Variants in DOCK1 observed in about 807,000 individuals in gnomAD.
DOCK1 encodes dedicator of cytokinesis 1, also known as dedicator of cytokinesis protein 1.
DOCK1 carries 138 observed loss-of-function variants against 262.7 expected under a neutral mutation model. That is an observed-to-expected ratio of 0.53 (90% confidence interval 0.46 to 0.61). DOCK1 has a LOEUF of 0.61. Among genes scored for constraint, DOCK1 ranks in the 20% least tolerant of loss-of-function variants. The pLI, the probability that DOCK1 is intolerant of heterozygous loss-of-function variation, is 0.00. For missense variants in DOCK1, 1,908 were observed against 2,370.7 expected (o/e 0.80, Z 4.05); for synonymous variants, 866 against 867.4 (o/e 1.00, Z 0.03).
chr10:127,324,295 C>T (rs1315906645), intron 29 of DOCK1, among the ~76,000 whole-genome samples: 1 of 152,184 alleles, frequency 6.6e-6, no homozygotes, highest in Non-Finnish European at 1.5e-5. Context: ...TGGCCTTAAC[C>T]GTCACCTGCC....
intron 16 of DOCK1, among the ~76,000 whole-genome samples, chr10:127,028,478 G>A (rs903782206): frequency 6.6e-6 from 1 of 152,182 alleles, no homozygotes; most frequent in Non-Finnish European, 1.5e-5. Context: ...TTACAGATGA[G>A]GAAACTGGGG....
intron 29 of DOCK1, among the ~76,000 whole-genome samples, chr10:127,329,023 T>C (rs1466203527): frequency 6.6e-6 from 1 of 152,010 alleles, no homozygotes; most frequent in Non-Finnish European, 1.5e-5. Context: ...CGTTTATAAG[T>C]GTATCATTCA....
intron 23 of DOCK1, 66 bp downstream of exon 23, chr10:127,061,842 G>A: frequency 7.6e-7 from 1 of 1,312,958 alleles, no homozygotes; most frequent in African/African-American, 1.5e-5. Context: ...TCTTTTGGAG[G>A]TAGGTATTTT....
intron 10 of DOCK1, chr10:127,001,287 C>T (rs975174775): frequency 1.3e-5 from 2 of 152,080 alleles, no homozygotes; most frequent in African/African-American, 2.4e-5. Flanking sequence ...TTAGTCCATC[C>T]CCCCTGCCTT....
intron 19 of DOCK1, 29 bp downstream of exon 19, chr10:127,037,845 GGTC>G: frequency 7.0e-7 from 1 of 1,436,264 alleles, no homozygotes; most frequent in African/African-American, 1.5e-5. Context: ...GGACTTTTTG[GGTC>G]TTTTTTTTTT....
intron 23 of DOCK1, among the ~76,000 whole-genome samples, chr10:127,062,468 C>T (rs2045598222): frequency 1.3e-5 from 2 of 152,318 alleles, no homozygotes; most frequent in East Asian, 3.9e-4. Flanking sequence ...CTCTGCATTG[C>T]TACAGAACAC....
At chr10:127,323,493 G>T (rs116295058) in intron 29 of DOCK1, among the ~76,000 whole-genome samples, 2 of 152,246 alleles carry the variant, frequency 1.3e-5, no homozygotes, top group South Asian at 2.1e-4. Flanking sequence ...AAAGCCAAAG[G>T]TCGTTATCCA....
At chr10:127,051,123 G>A (rs1327511839) in intron 21 of DOCK1, among the ~76,000 whole-genome samples, 1 of 151,840 alleles carries the variant, frequency 6.6e-6, no homozygotes, top group Non-Finnish European at 1.5e-5. Context: ...CTCAATTTTT[G>A]TGTATTCCAA....
At chr10:127,010,106 G>T (rs2041317138) in intron 11 of DOCK1, among the ~76,000 whole-genome samples, 1 of 152,112 alleles carries the variant, frequency 6.6e-6, no homozygotes, top group Admixed American at 6.5e-5. Context: ...TCTCTTTGTG[G>T]CTTAAATGCT....
intron 27 of DOCK1, among the ~76,000 whole-genome samples, chr10:127,167,702 C>A (rs1725054405): frequency 6.6e-6 from 1 of 152,110 alleles, no homozygotes; most frequent in Admixed American, 6.5e-5. Flanking sequence ...ATCCAGGTCT[C>A]CTGACGCTAC....
intron 1 of DOCK1, among the ~76,000 whole-genome samples, chr10:126,909,158 A>G (rs1160666614): frequency 6.6e-6 from 1 of 152,148 alleles, no homozygotes; most frequent in Non-Finnish European, 1.5e-5. Flanking sequence ...AGAAGATCCT[A>G]TGTTTGGAAG....
At chr10:127,062,499 T>C (rs1326660220) in intron 23 of DOCK1, among the ~76,000 whole-genome samples, 1 of 152,242 alleles carries the variant, frequency 6.6e-6, no homozygotes, top group Non-Finnish European at 1.5e-5. Context: ...TCTTCTTATC[T>C]AGCTGTAGCT....
At chr10:127,372,821 C>T (rs1293418197) in intron 33 of DOCK1, among the ~76,000 whole-genome samples, 1 of 152,164 alleles carries the variant, frequency 6.6e-6, no homozygotes, top group African/African-American at 2.4e-5. Flanking sequence ...TTCCTTTGTC[C>T]ATCTTCCTTC....
chr10:127,295,471 C>T (rs2061474157), intron 29 of DOCK1, among the ~76,000 whole-genome samples: 1 of 152,144 alleles, frequency 6.6e-6, no homozygotes, highest in African/African-American at 2.4e-5. Flanking sequence ...CACATTTCAA[C>T]ATGAGATTTG....
chr10:126,979,277 T>C (rs1366347277), intron 3 of DOCK1, among the ~76,000 whole-genome samples: 1 of 152,126 alleles, frequency 6.6e-6, no homozygotes, highest in Non-Finnish European at 1.5e-5. Flanking sequence ...GCCCAGCTAC[T>C]TGAGAGACTG....
At chr10:127,301,256 G>C (rs921991205) in intron 29 of DOCK1, among the ~76,000 whole-genome samples, 1 of 152,150 alleles carries the variant, frequency 6.6e-6, no homozygotes, top group African/African-American at 2.4e-5. Flanking sequence ...GGCCTGGATC[G>C]GAGGGTTAAT....
At chr10:127,337,889 G>A (rs60577694) in intron 29 of DOCK1, among the ~76,000 whole-genome samples, 2,446 of 152,306 alleles carry the variant, frequency 0.016, 59 homozygotes, top group African/African-American at 0.055. Flanking sequence ...CAGTGACAGC[G>A]GGTGATGGGC....
chr10:127,303,243 TAGG>T (rs1374996125), intron 29 of DOCK1, among the ~76,000 whole-genome samples: 2 of 152,076 alleles, frequency 1.3e-5, no homozygotes, highest in Non-Finnish European at 2.9e-5. Context: ...ACCTCAAGGA[TAGG>T]AGGTGTCTTG....
At chr10:127,261,538 G>GGT (rs745945561) in intron 29 of DOCK1, among the ~76,000 whole-genome samples, 5 of 98,448 alleles carry the variant, frequency 5.1e-5, no homozygotes, top group African/African-American at 1.6e-4. Context: ...TGTGCATGTG[G>GGT]GTGTGTGTGT....
Sources: allele counts gnomAD v4.1 joint callset (sites outside exome capture counted in the v4.1 genomes callset), GRCh38; gene constraint gnomAD v4.1.1; transcripts MANE v1.5; gene names NCBI Gene and HGNC (gene_info 2026-07-23, HGNC 2026-07-21).